Variants in GLDC observed in about 807,000 individuals in gnomAD.
GLDC encodes the protein glycine dehydrogenase (decarboxylating), mitochondrial.
Under a neutral mutation model 121.3 loss-of-function variants are expected in GLDC, and 104 were observed. That is an observed-to-expected ratio of 0.86 (90% CI 0.73 to 1.01). The LOEUF (loss-of-function observed/expected upper bound fraction) is 1.01. Among genes scored for constraint, GLDC ranks in the 50% least tolerant of loss-of-function variants. The pLI, the probability that GLDC is intolerant of heterozygous loss-of-function variation, is 0.00. For synonymous variants in GLDC, 546 were observed against 480.6 expected (o/e 1.14, Z -1.78); for missense variants, 1,429 against 1,306.6 (o/e 1.09, Z -1.44).
At chr9:6,616,174 T>G (rs1322510925) in intron 3 of GLDC, among the ~76,000 whole-genome samples, 2 of 152,256 alleles carry the variant, frequency 1.3e-5, no homozygotes, top group African/African-American at 4.8e-5. Flanking sequence ...TAAAAAAGTT[T>G]TTAAAGCATA....
chr9:6,605,049 G>T, intron 6 of GLDC, 82 bp downstream of exon 6: 3 of 1,317,760 alleles, frequency 2.3e-6, no homozygotes, highest in Non-Finnish European at 3.3e-6. Flanking sequence ...TAAGGCACAT[G>T]AAAAGACAGA....
intron 8 of GLDC, among the ~76,000 whole-genome samples, chr9:6,597,829 A>G (rs1218043982): frequency 6.6e-6 from 1 of 151,468 alleles, no homozygotes; most frequent in South Asian, 2.1e-4. Context: ...CCAGCTACAC[A>G]GGAGGCTGAG....
intron 3 of GLDC, among the ~76,000 whole-genome samples, chr9:6,619,736 G>A (rs1034289440): frequency 3.9e-5 from 6 of 152,030 alleles, no homozygotes; most frequent in African/African-American, 1.4e-4. Flanking sequence ...TGGGCAGGGT[G>A]GTAGGCGGGG....
At position 6,639,455 on chromosome 9, in the gene GLDC, C is replaced by T. The variant is rs1198330948; in HGVS notation, c.334+5159G>A. 4.4e-6 allele frequency: 4 copies of T among 908,776 alleles called. No homozygotes were observed. In the African/African-American group the frequency reaches 4.8e-5, roughly 11 times the overall value. The allele number at this position is 908,776 out of a possible 1,614,324, so 56.3% of individuals were successfully genotyped here. A position where few individuals can be genotyped will look rare whatever the true frequency, so the allele number is the denominator to read the frequency against. On this transcript the variant is annotated intron_variant, in intron 2 of 24. Transcript: ENST00000321612. Reference sequence around the variant, plus strand: ...TGTTCATTGTGGATGTTAAAGTCAACAAGCACCAGATTAAACAGGCTGTGA... The same window carrying T: ...TGTTCATTGTGGATGTTAAAGTCAATAAGCACCAGATTAAACAGGCTGTGA...
At chr9:6,603,123 G>A (rs1172275101) in intron 7 of GLDC, among the ~76,000 whole-genome samples, 1 of 151,982 alleles carries the variant, frequency 6.6e-6, no homozygotes, top group Non-Finnish European at 1.5e-5. Flanking sequence ...AGTTACTTGG[G>A]AGGCTGAGGC....
At chr9:6,543,218 T>G (rs1033375483) in intron 21 of GLDC, among the ~76,000 whole-genome samples, 1 of 151,990 alleles carries the variant, frequency 6.6e-6, no homozygotes, top group Non-Finnish European at 1.5e-5. Flanking sequence ...GAGGCTGCAA[T>G]GAGCTATGAT....
chr9:6,557,112 G>A (rs1194921122), intron 17 of GLDC, among the ~76,000 whole-genome samples: 1 of 152,130 alleles, frequency 6.6e-6, no homozygotes, highest in Non-Finnish European at 1.5e-5. Flanking sequence ...ACTGCAGGAT[G>A]ACTATATTTA....
chr9:6,626,449 G>C (rs1002424563), intron 2 of GLDC, among the ~76,000 whole-genome samples: 3 of 152,210 alleles, frequency 2.0e-5, no homozygotes, highest in African/African-American at 7.2e-5. Flanking sequence ...AAAAATGGTA[G>C]TTTATTTTTT....
Position 6,536,268 on chromosome 9 carries a change from T to A in GLDC, c.2666-32A>T, listed in dbSNP as rs765592910. On this transcript the variant is annotated intron_variant, in intron 22 of 24. Transcript: ENST00000321612. ...AGGGAGACAGGAGAACTTGCCTCAC[T>A]GAAGGTCAGTGGCCTACCCAGTTTG... The A allele has an allele frequency of 7.6e-6, 12 of 1,587,380 alleles. No individual in the cohort carries two copies. In the African/African-American group the frequency reaches 1.5e-4, roughly 20 times the overall value.
At chr9:6,636,239 G>A (rs1182851493) in intron 2 of GLDC, among the ~76,000 whole-genome samples, 2 of 151,998 alleles carry the variant, frequency 1.3e-5, no homozygotes, top group Non-Finnish European at 2.9e-5. Context: ...AGGAGGCGGA[G>A]GTTGCAGTGA....
chr9:6,535,147 C>T (rs906939162), intron 23 of GLDC, among the ~76,000 whole-genome samples: 1 of 152,084 alleles, frequency 6.6e-6, no homozygotes, highest in Admixed American at 6.6e-5. Flanking sequence ...TATACTATTA[C>T]TGCATATGTT....
chr9:6,620,506 C>A (rs1455316810), intron 2 of GLDC, among the ~76,000 whole-genome samples, 187 bp from the exon 3 acceptor site: 1 of 151,142 alleles, frequency 6.6e-6, no homozygotes, highest in Non-Finnish European at 1.5e-5. Context: ...AGTCCCCAAA[C>A]AACACTCAAT....
chr9:6,637,929 T>A (rs1447408065), intron 2 of GLDC, among the ~76,000 whole-genome samples: 3 of 151,364 alleles, frequency 2.0e-5, no homozygotes, highest in African/African-American at 4.9e-5. Context: ...GCTCAAGCAA[T>A]CCACCCACCT....
intron 16 of GLDC, among the ~76,000 whole-genome samples, chr9:6,560,964 C>G (rs897574782): frequency 1.4e-4 from 21 of 152,292 alleles, no homozygotes; most frequent in Admixed American, 3.3e-4. Context: ...GGGAGATGTG[C>G]TGACTGAAGC....
chr9:6,591,772 C>CG (rs1330551045), intron 11 of GLDC: 4 of 276,492 alleles, frequency 1.4e-5, no homozygotes, highest in African/African-American at 8.8e-5. Context: ...TTAGTGGAGA[C>CG]GGGGTTTCTC....
chr9:6,613,123 C>T (rs1818895579), intron 3 of GLDC, among the ~76,000 whole-genome samples: 1 of 152,152 alleles, frequency 6.6e-6, no homozygotes, highest in African/African-American at 2.4e-5. Context: ...AAGAAACCAG[C>T]TACCATTCAT....
intron 24 of GLDC, 63 bp downstream of exon 24, chr9:6,534,645 C>T: frequency 1.2e-6 from 1 of 826,588 alleles, no homozygotes; most frequent in South Asian, 1.4e-5. Flanking sequence ...AGAGCGTACA[C>T]CCGTCAGGAT....
intron 24 of GLDC, 123 bp downstream of exon 24, chr9:6,534,585 C>T (rs888522038): frequency 1.5e-6 from 1 of 688,408 alleles, no homozygotes; most frequent in East Asian, 2.8e-5. Flanking sequence ...CTCTTCAAGA[C>T]CCTTATTTCA....
intron 16 of GLDC, among the ~76,000 whole-genome samples, chr9:6,562,245 C>G (rs2129747770): frequency 6.6e-6 from 1 of 152,236 alleles, no homozygotes; most frequent in East Asian, 1.9e-4. Flanking sequence ...ACTCATAAAT[C>G]AAGAAGTTAG....
Sources: allele counts gnomAD v4.1 joint callset (sites outside exome capture counted in the v4.1 genomes callset), GRCh38; gene constraint gnomAD v4.1.1; transcripts MANE v1.5; gene names NCBI Gene and HGNC (gene_info 2026-07-23, HGNC 2026-07-21).